Variants in ODAD3 observed in about 807,000 individuals in gnomAD.
ODAD3 encodes outer dynein arm-docking complex subunit 3.
A neutral mutation model predicts 70.9 loss-of-function variants in ODAD3; 57 were observed. The observed-to-expected ratio is 0.80, with a 90% CI of 0.65 to 1.00. ODAD3 has a LOEUF of 1.00. Ranked by LOEUF, ODAD3 falls within the 50% of genes least tolerant of loss-of-function variation. The probability of loss-of-function intolerance (pLI) is 0.00; values close to 1 mark genes in which losing one functional copy is unlikely to be tolerated. For synonymous variants in ODAD3, 327 were observed against 315.9 expected (o/e 1.04, Z -0.37); for missense variants, 797 against 763.9 (o/e 1.04, Z -0.51).
At position 11,421,757 on chromosome 19, in the gene ODAD3, C is replaced by T; in HGVS notation, c.1510G>A (p.Glu504Lys). 1 of 1,613,464 alleles carries T rather than the reference C, an allele frequency of 6.2e-7. No individual in the cohort carries two copies. The highest frequency in any genetic ancestry group is 2.2e-5 in the East Asian group (1 of 44,892). Residue 504 changes from glutamate to lysine, a missense_variant, in exon 11 of 13, where the codon GAG becomes AAG. Transcript: ENST00000356392. The stretch of plus-strand genomic sequence containing the variant: ...GCCTGCAGTTTCAGCAGCTTTTCCT[C>T]CACGAGGCCCAGCAGGTTTGGCACA... ...NYVPNLLGLV[E>K]EKLLKLQAQL...
rs71164201 is a variant in ODAD3 at position 11,431,942 on chromosome 19, C to CAA, written c.245-924_245-923dup. Among the ~76,000 whole-genome samples the CAA allele has an allele frequency of 8.6e-3, 551 of 64,012 alleles. 10 individuals are homozygous for CAA. Among genetic ancestry groups the CAA allele is most frequent in the African/African-American group, 0.024 (381 of 15,684 alleles). The allele number at this position is 64,012 out of a possible 152,430, so 42.0% of individuals were successfully genotyped here. On this transcript the variant is annotated intron_variant, in intron 1 of 12. Coordinates refer to ENST00000356392, the MANE Select transcript of ODAD3 (RefSeq NM_145045.5). ...TGGGTGACAGAGCGAGACTCTGCCT[C>CAA]AAAAAAAAAAAAAAAAAAAAATTAG...
chr19:11,424,969 ATG>A (rs1260120269), intron 7 of ODAD3, among the ~76,000 whole-genome samples: 2 of 127,626 alleles, frequency 1.6e-5, no homozygotes, highest in Admixed American at 7.4e-5. Context: ...ATGTGTATAT[ATG>A]TATATATGTG....
Position 11,434,930 on chromosome 19 carries a change from G to T in ODAD3, c.87C>A (p.Gly29=). 1 of 1,614,010 alleles carries T rather than the reference G, an allele frequency of 6.2e-7. No homozygotes were observed. The highest frequency in any genetic ancestry group is 1.1e-5 in the South Asian group (1 of 91,092). Residue 29 remains glycine (G), a synonymous_variant, in exon 1 of 13, where the codon GGC becomes GGA. Transcript: ENST00000356392. ...QASTPSSRVK[G]REASGKPSHL... ...GGCTGGGTTTGCCCGAAGCCTCCCTGCCCTTGACCCTGGAAGAGGGCGTCG... is the reference window on the plus strand; with the variant it reads ...GGCTGGGTTTGCCCGAAGCCTCCCTTCCCTTGACCCTGGAAGAGGGCGTCG...
chr19:11,435,665 C>T (rs115820640), upstream of ODAD3: 8 of 1,297,912 alleles, frequency 6.2e-6, no homozygotes, highest in African/African-American at 3.0e-5. Flanking sequence ...GGCTGCTGGA[C>T]AAGAGGGGTG....
rs541137945 is a variant in ODAD3 at position 11,421,231 on chromosome 19, C to G, written c.1591-19G>C. On this transcript the variant is annotated intron_variant, in intron 11 of 12. Coordinates refer to ENST00000356392, the MANE Select transcript of ODAD3 (RefSeq NM_145045.5). ...CGAGGAACTAAGCGGGGATGGGAAG[C>G]GAGAGAGGAAGGTGGGCGGGGCCAG... is the stretch of plus-strand genomic sequence containing the variant. 8 of 1,607,208 alleles carry G rather than the reference C, an allele frequency of 5.0e-6. 1 individual carries two copies. In the African/African-American group the frequency reaches 5.3e-5, roughly 11 times the overall value.
rs183656609 is a variant in ODAD3, at chr19:11,421,994, G to A, written c.1435-162C>T. ...GGGCGGGGACTTAGGTCAAGGCCAC[G>A]TCTGTGATGGGGGAGCCTCTGAACT... On this transcript the variant is annotated intron_variant, in intron 10 of 12. Coordinates refer to ENST00000356392, the MANE Select transcript of ODAD3 (RefSeq NM_145045.5). Among the ~76,000 whole-genome samples the A allele has an allele frequency of 5.0e-3, 763 of 152,240 alleles. 6 individuals are homozygous for A. Among genetic ancestry groups the A allele is most frequent in the East Asian group, 7.9e-3 (41 of 5,174 alleles).
intron 1 of ODAD3, among the ~76,000 whole-genome samples, chr19:11,431,731 G>A (rs569741712): frequency 1.3e-5 from 2 of 149,812 alleles, no homozygotes; most frequent in Admixed American, 6.7e-5. Flanking sequence ...TCAGGAGATC[G>A]AGACCATCCT....
At chr19:11,425,657 A>ACG (rs1248237788) in intron 7 of ODAD3, among the ~76,000 whole-genome samples, 6 of 134,488 alleles carry the variant, frequency 4.5e-5, no homozygotes, top group African/African-American at 2.1e-4. Context: ...ATACGTATAT[A>ACG]TATATATATA....
chr19:11,435,755 GC>G, upstream of ODAD3: 1 of 1,364,812 alleles, frequency 7.3e-7, no homozygotes, highest in Non-Finnish European at 9.6e-7. Context: ...CTTACAGGGG[GC>G]AACCGGAGGG....
Position 11,421,017 on chromosome 19 carries a change from T to G in ODAD3, c.1676-70A>C. On this transcript the variant is annotated intron_variant, in intron 12 of 12. Transcript: ENST00000356392. ...GTCCCCATCCCTGGCTCCCCTTCCC[T>G]TTACCACCCCACTCCACCCCCACCT... The G allele has an allele frequency of 1.3e-5, 20 of 1,581,494 alleles. 2 individuals are homozygous for G. The South Asian group carries it at 2.2e-4, about 17-fold the overall frequency.
Position 11,426,710 on chromosome 19 carries a change from C to G in ODAD3, c.687G>C (p.Val229=), listed in dbSNP as rs1464668370. ...KAQEAEHITS[V]YLQLKAYLMD... ...TTAGATAGGCCTTGAGCTGCAGGTA[C>G]ACGCTGGTAATGTGCTCGGCCTCCT... The change falls in exon 5 of 13, where the codon GTG becomes GTC. Residue 229 remains valine (V), a synonymous_variant. Coordinates refer to ENST00000356392, the MANE Select transcript of ODAD3 (RefSeq NM_145045.5). The G allele has an allele frequency of 3.7e-6, 6 of 1,613,792 alleles. No homozygotes were observed. Among genetic ancestry groups the G allele is most frequent in the Non-Finnish European group, 5.1e-6 (6 of 1,179,898 alleles).
At position 11,423,889 on chromosome 19, in the gene ODAD3, A is replaced by G. The variant is rs767402884; in HGVS notation, c.1104T>C (p.Thr368=). ...GGGCAGAACTCACGTGCGTCTCGTC[A>G]GTGCCAGTGGCGTCCTTGACCTTGC... ...IFGKVKDATG[T]DETHSLVRRF... is the part of the protein sequence containing the mutation. The change falls in exon 8 of 13, where the codon ACT becomes ACC. Residue 368 remains threonine, a synonymous_variant. Coordinates refer to ENST00000356392, the MANE Select transcript of ODAD3 (RefSeq NM_145045.5). 30 of 1,611,038 alleles carry G rather than the reference A, an allele frequency of 1.9e-5. No homozygotes were observed. Among genetic ancestry groups the G allele is most frequent in the Middle Eastern group, 1.6e-4 (1 of 6,076 alleles).
At chr19:11,430,866 C>G in intron 2 of ODAD3, 33 bp downstream of exon 2, 1 of 1,613,898 alleles carries the variant, frequency 6.2e-7, no homozygotes, top group South Asian at 1.1e-5. Flanking sequence ...TCCACCGCCA[C>G]GGGAACCCTA....
At chr19:11,430,454 T>TA (rs1969478867) in intron 3 of ODAD3, 1 of 526,446 alleles carries the variant, frequency 1.9e-6, no homozygotes, top group Non-Finnish European at 3.4e-6. Flanking sequence ...TTTTTTTTTT[T>TA]AACTTGTTTT....
chr19:11,424,916 T>C (rs1969242395), intron 7 of ODAD3, among the ~76,000 whole-genome samples: 1 of 124,386 alleles, frequency 8.0e-6, no homozygotes, highest in Non-Finnish European at 1.6e-5. Flanking sequence ...TATATGTGTA[T>C]ATGTACCTAT....
intron 12 of ODAD3, 67 bp from the exon 13 acceptor site, chr19:11,421,014 C>G (rs1969118910): frequency 6.3e-7 from 1 of 1,579,228 alleles, no homozygotes; most frequent in African/African-American, 1.3e-5. Context: ...GGCTCCCCTT[C>G]CCTTTACCAC....
At chr19:11,435,651 C>A (rs1318931959), upstream of ODAD3, 2 of 1,282,068 alleles carry the variant, frequency 1.6e-6, no homozygotes, top group Admixed American at 4.6e-5. Flanking sequence ...GCAGCAGGAA[C>A]CGCGGCTGCT....
upstream of ODAD3, chr19:11,435,178 T>G: frequency 7.0e-7 from 1 of 1,428,792 alleles, no homozygotes; most frequent in Non-Finnish European, 9.1e-7. Context: ...GGTAACCGCC[T>G]CCCCGTCTCT....
At chr19:11,423,716 G>A (rs992613897) in intron 8 of ODAD3, among the ~76,000 whole-genome samples, 161 bp downstream of exon 8, 2 of 152,108 alleles carry the variant, frequency 1.3e-5, no homozygotes, top group Admixed American at 1.3e-4. Context: ...TAGCTGGAGG[G>A]GGAAGGGATG....
Sources: gnomAD v4.1 joint callset for allele counts (sites outside exome capture counted in the v4.1 genomes callset) on GRCh38, gnomAD v4.1.1 for gene constraint, MANE v1.5 for transcripts, NCBI Gene and HGNC (gene_info 2026-07-23, HGNC 2026-07-21) for gene names.